Variants in FRYL observed in about 807,000 individuals in gnomAD.
FRYL encodes protein furry homolog-like.
A neutral mutation model predicts 351.2 loss-of-function variants in FRYL; 150 were observed. The ratio of observed to expected loss-of-function variants is 0.43; its 90% CI spans 0.37 to 0.49. The LOEUF is 0.49. Among genes scored for constraint, FRYL ranks in the 20% least tolerant of loss-of-function variants. FRYL has a pLI of 0.00. For synonymous variants in FRYL, 1,153 were observed against 1,257.1 expected (o/e 0.92, Z 1.75); for missense variants, 3,036 against 3,619.3 (o/e 0.84, Z 4.13).
At chr4:48,695,915 T>C (rs1766115461) in intron 2 of FRYL, among the ~76,000 whole-genome samples, 1 of 152,042 alleles carries the variant, frequency 6.6e-6, no homozygotes, top group African/African-American at 2.4e-5. Context: ...AGCCAACAAA[T>C]ATATGAAAAA....
At chr4:48,566,460 T>C (rs1736810238) in intron 28 of FRYL, among the ~76,000 whole-genome samples, 2 of 152,218 alleles carry the variant, frequency 1.3e-5, no homozygotes, top group South Asian at 2.1e-4. Context: ...TTTATATTAG[T>C]GAGCTTCAGA....
chr4:48,509,812 GAC>G (rs768314553), intron 59 of FRYL, among the ~76,000 whole-genome samples: 91 of 152,300 alleles, frequency 6.0e-4, no homozygotes, highest in Non-Finnish European at 9.7e-4. Context: ...TGACAGCAGT[GAC>G]ACAGTCTCCA....
intron 3 of FRYL, among the ~76,000 whole-genome samples, chr4:48,646,304 CTGACAAT>C (rs1441953958): frequency 2.6e-5 from 4 of 152,188 alleles, no homozygotes; most frequent in Non-Finnish European, 5.9e-5. Flanking sequence ...AAGAACAGGT[CTGACAAT>C]TTGGAAATTC....
chr4:48,723,874 C>G (rs1769765920), intron 1 of FRYL, among the ~76,000 whole-genome samples: 1 of 151,118 alleles, frequency 6.6e-6, no homozygotes, highest in Non-Finnish European at 1.5e-5. Context: ...CTGTTTGAAC[C>G]CAGGAGTTTG....
chr4:48,748,241 G>A (rs947179479), intron 1 of FRYL, among the ~76,000 whole-genome samples: 12 of 151,080 alleles, frequency 7.9e-5, no homozygotes, highest in Admixed American at 4.6e-4. Flanking sequence ...GCGAGACTCC[G>A]TTTCAAAAAA....
intron 1 of FRYL, among the ~76,000 whole-genome samples, chr4:48,711,212 G>A (rs560919089): frequency 2.6e-4 from 40 of 152,354 alleles, no homozygotes; most frequent in Non-Finnish European, 4.9e-4. Context: ...GACAGTGGGC[G>A]CAGGTCAGTG....
At chr4:48,679,361 C>T (rs1764268940) in intron 3 of FRYL, among the ~76,000 whole-genome samples, 1 of 152,032 alleles carries the variant, frequency 6.6e-6, no homozygotes, top group South Asian at 2.1e-4. Flanking sequence ...TATGGTTTCT[C>T]ATAAATATAC....
intron 55 of FRYL, among the ~76,000 whole-genome samples, chr4:48,520,026 C>T (rs115708011): frequency 3.9e-5 from 6 of 152,136 alleles, no homozygotes; most frequent in African/African-American, 1.2e-4. Context: ...CCACAGTGCC[C>T]GGCCTGAAAT....
At position 48,699,026 on chromosome 4, in the gene FRYL, A is replaced by G. The variant is rs1320014101; in HGVS notation, c.-204+11493T>C. On this transcript the variant is annotated intron_variant, in intron 2 of 63. Coordinates refer to ENST00000358350, the MANE Select transcript of FRYL (RefSeq NM_015030.2). Reference sequence around the variant, plus strand: ...TAAGATGCTTCACATATGTTACTTCATTTTAACCCAAACCAGCCCATAATT... The same window carrying G: ...TAAGATGCTTCACATATGTTACTTCGTTTTAACCCAAACCAGCCCATAATT... Among the ~76,000 whole-genome samples, 6 of 152,342 alleles carry G rather than the reference A, an allele frequency of 3.9e-5. No homozygotes were observed. In the East Asian group the frequency reaches 1.2e-3, roughly 29 times the overall value.
chr4:48,724,164 T>C (rs917021064), intron 1 of FRYL, among the ~76,000 whole-genome samples: 1 of 151,836 alleles, frequency 6.6e-6, no homozygotes, highest in African/African-American at 2.4e-5. Context: ...AATTTAAAAA[T>C]AAATGGAATA....
chr4:48,769,918 G>A (rs915979959), intron 1 of FRYL, among the ~76,000 whole-genome samples: 8 of 152,114 alleles, frequency 5.3e-5, no homozygotes, highest in African/African-American at 1.4e-4. Context: ...CGGAAAAGGA[G>A]GTAGGGGGGA....
intron 3 of FRYL, chr4:48,636,996 G>T (rs916981083): frequency 2.0e-5 from 3 of 152,060 alleles, no homozygotes; most frequent in Non-Finnish European, 2.9e-5. Flanking sequence ...CATTAGGTGA[G>T]TAAAGATCCT....
At chr4:48,634,743 T>TTTG (rs975706714) in intron 3 of FRYL, among the ~76,000 whole-genome samples, 10 of 152,282 alleles carry the variant, frequency 6.6e-5, no homozygotes, top group African/African-American at 2.4e-4. Context: ...TCTTTTGGTT[T>TTTG]TTGTTGTTGT....
intron 51 of FRYL, 35 bp from the exon 52 acceptor site, chr4:48,528,080 G>C (rs772942939): frequency 6.4e-7 from 1 of 1,553,966 alleles, no homozygotes; most frequent in Non-Finnish European, 8.7e-7. Flanking sequence ...TGTTAGGACT[G>C]CTGATAAAAT....
rs555588590 is a variant in FRYL at position 48,694,037 on chromosome 4, G to C, written c.-203-9242C>G. The stretch of plus-strand genomic sequence containing the variant: ...AGGAAGACCAGCATAATGAAAAAAT[G>C]ATCTCACTGCATATTTTTTACTATC... On this transcript the variant is annotated intron_variant, in intron 2 of 63. Transcript: ENST00000358350. 7.7e-4 allele frequency among the ~76,000 whole-genome samples: 117 copies of C among 152,200 alleles called. 2 individuals carry two copies. The highest frequency in any genetic ancestry group is 6.9e-3 in the Admixed American group (105 of 15,290).
intron 3 of FRYL, among the ~76,000 whole-genome samples, chr4:48,666,268 G>A (rs1207935461): frequency 3.3e-5 from 5 of 152,152 alleles, no homozygotes; most frequent in East Asian, 1.9e-4. Context: ...TCGGGAGGCC[G>A]AGGCAGGAGA....
At chr4:48,686,782 A>T (rs1419098040) in intron 2 of FRYL, among the ~76,000 whole-genome samples, 1 of 152,240 alleles carries the variant, frequency 6.6e-6, no homozygotes, top group Non-Finnish European at 1.5e-5. Context: ...CTTTTGTTGT[A>T]TGTGTTTATT....
intron 53 of FRYL, among the ~76,000 whole-genome samples, chr4:48,524,939 G>A (rs1015559049): frequency 6.6e-6 from 1 of 151,860 alleles, no homozygotes; most frequent in Admixed American, 6.6e-5. Context: ...CTTGGGTAGG[G>A]CAGCAGGTCT....
At chr4:48,683,125 T>C (rs932539597) in intron 3 of FRYL, among the ~76,000 whole-genome samples, 59 of 152,262 alleles carry the variant, frequency 3.9e-4, no homozygotes, top group African/African-American at 1.3e-3. Flanking sequence ...TGCACGGACA[T>C]GGATGAAGCT....
Sources: gnomAD v4.1 joint callset for allele counts (sites outside exome capture counted in the v4.1 genomes callset) on GRCh38, gnomAD v4.1.1 for gene constraint, MANE v1.5 for transcripts, NCBI Gene and HGNC (gene_info 2026-07-23, HGNC 2026-07-21) for gene names.